CSMD3: variants seen among roughly 807,000 people sequenced by gnomAD.
The protein encoded by CSMD3 is CUB and Sushi multiple domains 3, also known as CUB and sushi domain-containing protein 3.
Under a neutral mutation model 435.2 loss-of-function variants are expected in CSMD3, and 177 were observed. The observed-to-expected ratio is 0.41, with a 90% confidence interval of 0.36 to 0.46. The LOEUF (loss-of-function observed/expected upper bound fraction) is 0.46. CSMD3 is among the 20% of genes least tolerant of loss of function. The pLI is 0.34. For synonymous variants in CSMD3, 1,656 were observed against 1,520.5 expected (o/e 1.09, Z -2.07); for missense variants, 4,265 against 4,504.6 (o/e 0.95, Z 1.52).
chr8:112,312,411 T>G (rs1306715861), intron 49 of CSMD3, among the ~76,000 whole-genome samples: 1 of 151,950 alleles, frequency 6.6e-6, no homozygotes, highest in East Asian at 1.9e-4. Context: ...CCCACCACCA[T>G]GCCCAGCTAA....
intron 1 of CSMD3, among the ~76,000 whole-genome samples, chr8:113,407,727 A>T (rs1200514495): frequency 6.6e-6 from 1 of 152,144 alleles, no homozygotes; most frequent in Non-Finnish European, 1.5e-5. Flanking sequence ...AAGACAACAC[A>T]GACCATCGTA....
At chr8:113,282,591 T>C (rs1360098853) in intron 2 of CSMD3, among the ~76,000 whole-genome samples, 2 of 151,862 alleles carry the variant, frequency 1.3e-5, no homozygotes, top group Admixed American at 6.6e-5. Context: ...ATAGATGACA[T>C]GGACAAATGG....
chr8:112,904,928 G>A (rs1324626166), intron 10 of CSMD3, among the ~76,000 whole-genome samples: 1 of 151,360 alleles, frequency 6.6e-6, no homozygotes, highest in East Asian at 2.0e-4. Flanking sequence ...AGTTGAGTCT[G>A]GATGCCTGGT....
chr8:113,238,540 G>C (rs2093176066), intron 3 of CSMD3, among the ~76,000 whole-genome samples: 1 of 152,118 alleles, frequency 6.6e-6, no homozygotes, highest in African/African-American at 2.4e-5. Context: ...TGTGGATCAA[G>C]TCTTCAGCTT....
chr8:112,732,710 AAAAAAAG>A (rs1159636856), intron 13 of CSMD3, among the ~76,000 whole-genome samples: 2 of 151,620 alleles, frequency 1.3e-5, no homozygotes, highest in African/African-American at 4.8e-5. Context: ...AAAAAAAAAA[AAAAAAAG>A]AAAAAAGAAA....
At chr8:112,864,599 G>A (rs555059267) in intron 10 of CSMD3, among the ~76,000 whole-genome samples, 26 of 151,988 alleles carry the variant, frequency 1.7e-4, no homozygotes, top group Admixed American at 1.4e-3. Context: ...AAATGGAAAG[G>A]TCCAATTTAT....
intron 3 of CSMD3, among the ~76,000 whole-genome samples, chr8:113,189,390 C>T (rs1260734000): frequency 2.6e-5 from 4 of 151,730 alleles, no homozygotes; most frequent in African/African-American, 9.7e-5. Context: ...GTATTTCAGG[C>T]TTTATTCAGT....
At chr8:113,329,879 T>C (rs983185277) in intron 1 of CSMD3, among the ~76,000 whole-genome samples, 1 of 151,922 alleles carries the variant, frequency 6.6e-6, no homozygotes, top group Non-Finnish European at 1.5e-5. Flanking sequence ...ATAATGACAT[T>C]TGAAAAAAAT....
chr8:113,328,735 C>CTTTTTTTTTTTTTTTTTTTTTTTTTTTT (rs71281211), intron 1 of CSMD3, among the ~76,000 whole-genome samples: 4 of 57,196 alleles, frequency 7.0e-5, no homozygotes, highest in African/African-American at 1.7e-4. Context: ...TCCTTCTTTT[C>CTTTTTTTTTTTTTTTTTTTTTTTTTTTT]TTTTTTTTTT....
At chr8:112,792,356 T>C (rs2132294760) in intron 13 of CSMD3, among the ~76,000 whole-genome samples, 1 of 152,262 alleles carries the variant, frequency 6.6e-6, no homozygotes, top group South Asian at 2.1e-4. Context: ...GCTCTTTTTC[T>C]GGCTTGCAGA....
chr8:113,370,941 G>A (rs1050229634), intron 1 of CSMD3, among the ~76,000 whole-genome samples: 24 of 152,014 alleles, frequency 1.6e-4, no homozygotes, highest in African/African-American at 4.3e-4. Context: ...CTGTCTCAGC[G>A]TAATCTGTGG....
At chr8:113,231,751 G>C (rs2093089986) in intron 3 of CSMD3, among the ~76,000 whole-genome samples, 1 of 151,398 alleles carries the variant, frequency 6.6e-6, no homozygotes, top group African/African-American at 2.4e-5. Context: ...CAGTTAGAGA[G>C]TAATTCTCAA....
At chr8:112,936,638 A>G (rs2083289184) in intron 9 of CSMD3, among the ~76,000 whole-genome samples, 1 of 152,130 alleles carries the variant, frequency 6.6e-6, no homozygotes, top group Non-Finnish European at 1.5e-5. Flanking sequence ...TGTGTGGCAT[A>G]AAATGTATTC....
At chr8:112,470,277 T>C (rs1818387580) in intron 32 of CSMD3, among the ~76,000 whole-genome samples, 1 of 152,196 alleles carries the variant, frequency 6.6e-6, no homozygotes. Context: ...AATCCAATAA[T>C]GCATGTCATT....
intron 32 of CSMD3, among the ~76,000 whole-genome samples, chr8:112,435,193 G>A (rs1226413565): frequency 1.3e-5 from 2 of 152,092 alleles, no homozygotes; most frequent in Non-Finnish European, 2.9e-5. Context: ...TAGAAAAGTA[G>A]TTATTTTTCT....
intron 15 of CSMD3, among the ~76,000 whole-genome samples, chr8:112,683,294 T>C (rs1023561886): frequency 6.6e-6 from 1 of 151,952 alleles, no homozygotes; most frequent in Non-Finnish European, 1.5e-5. Context: ...AAAAGAGTAA[T>C]GTTAGACTCA....
intron 16 of CSMD3, among the ~76,000 whole-genome samples, chr8:112,669,230 C>T (rs1385098306): frequency 3.9e-5 from 6 of 152,006 alleles, no homozygotes; most frequent in East Asian, 1.9e-4. Context: ...GACAGGGTTT[C>T]GCCATGGCCA....
At chr8:113,364,041 A>C (rs1246149588) in intron 1 of CSMD3, among the ~76,000 whole-genome samples, 1 of 152,104 alleles carries the variant, frequency 6.6e-6, no homozygotes, top group East Asian at 1.9e-4. Flanking sequence ...GTTAATTTCT[A>C]TGAAATATGT....
chr8:112,517,270 A>G, intron 27 of CSMD3, 45 bp from the exon 28 acceptor site: 1 of 1,410,012 alleles, frequency 7.1e-7, no homozygotes, highest in Non-Finnish European at 1.0e-6. Flanking sequence ...TAACTACCAA[A>G]ATCAATTTCA....
Sources: allele counts gnomAD v4.1 joint callset (sites outside exome capture counted in the v4.1 genomes callset), GRCh38; gene constraint gnomAD v4.1.1; transcripts MANE v1.5; gene names NCBI Gene and HGNC (gene_info 2026-07-23, HGNC 2026-07-21).